The following CEP85L variants were observed in gnomAD, a reference collection of about 807,000 sequenced individuals.
CEP85L encodes centrosomal protein of 85 kDa-like.
CEP85L carries 60 observed loss-of-function variants against 100.3 expected under a neutral mutation model. The ratio of observed to expected loss-of-function variants is 0.60; its 90% CI spans 0.49 to 0.74. The LOEUF (loss-of-function observed/expected upper bound fraction) is 0.74, where lower values mean the gene tolerates loss of function less well. Among genes scored for constraint, CEP85L ranks in the 30% least tolerant of loss-of-function variants. The probability of loss-of-function intolerance (pLI) is 0.00; values close to 1 mark genes in which losing one functional copy is unlikely to be tolerated. For synonymous variants in CEP85L, 319 were observed against 322.7 expected, an observed-to-expected ratio of 0.99 and a Z score of 0.12; for missense variants, 973 against 936.2, an observed-to-expected ratio of 1.04 and a Z score of -0.51.
Position 118,465,210 on chromosome 6 carries a change from T to A in CEP85L, c.*195A>T. 2.1e-6 allele frequency: 1 copy of A among 485,044 alleles called. No individual in the cohort carries two copies. Among genetic ancestry groups the A allele is most frequent in the Non-Finnish European group, 3.6e-6 (1 of 277,618 alleles). 30.0% of individuals were successfully genotyped at this position (485,044 alleles called of 1,614,324 possible). ...TTTATCATATTTTCCAAAGGTAATT[T>A]GATTTTTTTTCTTTTTGCCTGATTA... On this transcript the variant is annotated 3_prime_UTR_variant, in exon 13 of 13. Transcript: ENST00000368491.
In CEP85L at chr6:118,469,101, G is replaced by A; in HGVS notation, c.2225C>T (p.Pro742Leu). The A allele has an allele frequency of 6.2e-7, 1 of 1,613,270 alleles. No individual in the cohort carries two copies. The highest frequency in any genetic ancestry group is 8.5e-7 in the Non-Finnish European group (1 of 1,179,294). ...ILNQRAQGKEPNLSLLLGIRS... is the reference protein window; with the variant it reads ...ILNQRAQGKELNLSLLLGIRS... ...TATTCCCAGTAATAATGAAAGATTA[G>A]GCTCCTTGCCCTGAGCACGCTGATT... The change falls in exon 12 of 13, where the codon CCT becomes CTT. Residue 742 changes from proline to leucine, a missense_variant. By Grantham distance (98) the Pro-to-Leu change is moderately conservative. Transcript: ENST00000368491.
chr6:118,592,576 T>TA (rs1781252082), intron 2 of CEP85L, among the ~76,000 whole-genome samples: 1 of 152,140 alleles, frequency 6.6e-6, no homozygotes, highest in Admixed American at 6.5e-5. Context: ...AAAAACATAG[T>TA]ATTATTCACC....
In CEP85L at chr6:118,677,394, C is replaced by A. The variant is rs1358235470; in HGVS notation, c.-27-24586G>T. 3.9e-5 allele frequency among the ~76,000 whole-genome samples: 6 copies of A among 152,240 alleles called. No individual in the cohort carries two copies. In the East Asian group the frequency reaches 1.2e-3, roughly 29 times the overall value. On this transcript the variant is annotated intron_variant, in intron 1 of 13. Transcript: ENST00000368488. ...GACACTGTCCGTAGTCCTGAAGTGT[C>A]ATTATTTTGTCTGGCTGCCAGTTGG... is the stretch of plus-strand genomic sequence containing the variant.
At chr6:118,590,416 ACTT>A (rs1401553004) in intron 2 of CEP85L, among the ~76,000 whole-genome samples, 1 of 152,188 alleles carries the variant, frequency 6.6e-6, no homozygotes, top group African/African-American at 2.4e-5. Flanking sequence ...TCCTGCCTCA[ACTT>A]CTTGTCACCA....
intron 2 of CEP85L, among the ~76,000 whole-genome samples, chr6:118,590,277 G>A (rs909913224): frequency 6.6e-6 from 1 of 152,086 alleles, no homozygotes; most frequent in East Asian, 1.9e-4. Flanking sequence ...TCCTTGGCAA[G>A]GTTTTTTTCT....
At chr6:118,558,038 C>T (rs1778980959) in intron 3 of CEP85L, among the ~76,000 whole-genome samples, 1 of 151,670 alleles carries the variant, frequency 6.6e-6, no homozygotes, top group Non-Finnish European at 1.5e-5. Flanking sequence ...GATCTGGGCT[C>T]AATGCAACCC....
At chr6:118,709,778 T>TC (rs1264397436) in intron 1 of CEP85L, among the ~76,000 whole-genome samples, 4 of 152,026 alleles carry the variant, frequency 2.6e-5, no homozygotes, top group East Asian at 3.9e-4. Context: ...TCTGTTCCTT[T>TC]CCCCCTGACA....
chr6:118,551,095 T>A (rs1256593001), intron 3 of CEP85L, among the ~76,000 whole-genome samples: 1 of 151,890 alleles, frequency 6.6e-6, no homozygotes, highest in South Asian at 2.1e-4. Flanking sequence ...CAAGTTAACA[T>A]CTCCTCAAAA....
At chr6:118,598,427 G>C (rs1335271738) in intron 2 of CEP85L, among the ~76,000 whole-genome samples, 1 of 152,162 alleles carries the variant, frequency 6.6e-6, no homozygotes, top group Non-Finnish European at 1.5e-5. Context: ...TAGGGTCTTT[G>C]CAGATGTAAT....
chr6:118,605,992 CAACAGA>C (rs1772180321), intron 2 of CEP85L, among the ~76,000 whole-genome samples: 3 of 119,066 alleles, frequency 2.5e-5, no homozygotes, highest in East Asian at 4.7e-4. Context: ...CCAGCCTGGG[CAACAGA>C]GCAAGACTCT....
chr6:118,603,920 A>G (rs1456835044), intron 2 of CEP85L, among the ~76,000 whole-genome samples: 1 of 152,264 alleles, frequency 6.6e-6, no homozygotes, highest in Non-Finnish European at 1.5e-5. Context: ...AAGCCACAGT[A>G]GATAAGGAAA....
chr6:118,651,179 C>A lies in CEP85L; in HGVS notation c.73+18G>T. The A allele has an allele frequency of 1.3e-6, 2 of 1,493,074 alleles. No homozygotes were observed. The highest frequency in any genetic ancestry group is 2.8e-5 in the East Asian group (1 of 35,138). 92.5% of individuals were successfully genotyped at this position (1,493,074 alleles called of 1,614,324 possible). A position where few individuals can be genotyped will look rare whatever the true frequency, so the allele number is the denominator to read the frequency against. On this transcript the variant is annotated intron_variant, in intron 1 of 12. Transcript: ENST00000368491. ...GCCGTGACCCCCACCCCAGCCGGGGCGCTGTCCCGTTCCTTACCGGCAGGG... is the reference window on the plus strand; with the variant it reads ...GCCGTGACCCCCACCCCAGCCGGGGAGCTGTCCCGTTCCTTACCGGCAGGG...
chr6:118,512,038 G>C (rs1441358903), intron 4 of CEP85L, among the ~76,000 whole-genome samples: 1 of 151,792 alleles, frequency 6.6e-6, no homozygotes, highest in Non-Finnish European at 1.5e-5. Context: ...CCTCATGCCT[G>C]AAACAATTTT....
chr6:118,470,295 G>A (rs893380402), intron 11 of CEP85L, among the ~76,000 whole-genome samples: 2 of 152,012 alleles, frequency 1.3e-5, no homozygotes, highest in Admixed American at 1.3e-4. Context: ...TTTTATAGAT[G>A]AATGCCAGCT....
intron 1 of CEP85L, among the ~76,000 whole-genome samples, chr6:118,665,102 A>G (rs1349959504): frequency 3.3e-5 from 5 of 152,012 alleles, no homozygotes; most frequent in African/African-American, 1.2e-4. Flanking sequence ...TGCAGAGAGG[A>G]GAAAAATGCT....
chr6:118,651,227 T>A lies in CEP85L; in HGVS notation c.43A>T (p.Ser15Cys). The change falls in exon 1 of 13, where the codon AGC (serine) becomes TGC (cysteine). Residue 15 changes from serine to cysteine, a missense_variant. By Grantham distance (112) the Ser-to-Cys change is moderately radical. Around this residue, in one of 3 missense-constraint regions of CEP85L, gnomAD observed 79 missense variants for 73.3 expected, o/e 1.08. Transcript: ENST00000368491. ...GGGAAGCTGCGGGCTCCGCCGGGGC[T>A]ATCCCGGCCGCTGGCCTCCGGAGCC... is the stretch of plus-strand genomic sequence containing the variant. ...FLAPEASGRD[S>C]PGGARSFPAG... The A allele has an allele frequency of 1.3e-6, 2 of 1,496,062 alleles. No homozygotes were observed. Among genetic ancestry groups the A allele is most frequent in the Non-Finnish European group, 1.8e-6 (2 of 1,129,120 alleles). The allele number at this position is 1,496,062 out of a possible 1,614,324, so 92.7% of individuals were successfully genotyped here. A position where few individuals can be genotyped will look rare whatever the true frequency, so the allele number is the denominator to read the frequency against.
At chr6:118,656,140 T>C (rs1171231998), upstream of CEP85L, among the ~76,000 whole-genome samples, 1 of 152,234 alleles carries the variant, frequency 6.6e-6, no homozygotes, top group Non-Finnish European at 1.5e-5. Context: ...ATGGTTTTCT[T>C]TAGCTGTAGC....
intron 2 of CEP85L, among the ~76,000 whole-genome samples, chr6:118,592,774 T>A (rs1008302456): frequency 1.3e-5 from 2 of 152,172 alleles, no homozygotes; most frequent in Admixed American, 1.3e-4. Flanking sequence ...TAAATGTTGG[T>A]ATCATTATTA....
chr6:118,688,193 T>G (rs1364127135), intron 1 of CEP85L, among the ~76,000 whole-genome samples: 1 of 152,086 alleles, frequency 6.6e-6, no homozygotes, highest in African/African-American at 2.4e-5. Context: ...GTAGAGACAG[T>G]TTTCACCATG....
Sources: gnomAD v4.1 joint callset for allele counts (sites outside exome capture counted in the v4.1 genomes callset) on GRCh38, gnomAD v4.1.1 for gene constraint, gnomAD v4.1.1 regional missense constraint, MANE v1.5 for transcripts, NCBI Gene and HGNC (gene_info 2026-07-23, HGNC 2026-07-21) for gene names.